The following DAGLB variants were observed in gnomAD, a reference collection of about 807,000 sequenced individuals.
DAGLB encodes the protein diacylglycerol lipase-beta.
DAGLB carries 66 observed loss-of-function variants against 72.1 expected under a neutral mutation model. That is an observed-to-expected ratio of 0.92 (90% CI 0.75 to 1.12). The LOEUF (loss-of-function observed/expected upper bound fraction) is 1.12. Among genes scored for constraint, DAGLB ranks in the 50% most tolerant of loss-of-function variants. The pLI, the probability that DAGLB is intolerant of heterozygous loss-of-function variation, is 0.00. For synonymous variants in DAGLB, 414 were observed against 359.5 expected, an observed-to-expected ratio of 1.15 and a Z score of -1.71; for missense variants, 1,065 against 884.9, an observed-to-expected ratio of 1.20 and a Z score of -2.58.
Position 6,432,823 on chromosome 7 carries a change from G to T in DAGLB, c.801+14C>A. On this transcript the variant is annotated intron_variant, in intron 5 of 14. Coordinates refer to ENST00000297056, the MANE Select transcript of DAGLB (RefSeq NM_139179.4). ...TAAGTGTCAGAACTGGACACTCCAT[G>T]AAGCCAGGCTCACCTGGGAGCTCCC... 1 of 1,612,666 alleles carries T rather than the reference G, an allele frequency of 6.2e-7. No individual in the cohort carries two copies.
At position 6,436,608 on chromosome 7, in the gene DAGLB, G is replaced by A. The variant is rs1416315036; in HGVS notation, c.248-75C>T. The A allele has an allele frequency of 3.8e-6, 6 of 1,584,412 alleles. No homozygotes were observed. The East Asian group carries it at 8.9e-5, about 24-fold the overall frequency. On this transcript the variant is annotated intron_variant, in intron 2 of 14. Coordinates refer to ENST00000297056, the MANE Select transcript of DAGLB (RefSeq NM_139179.4). ...AGAGCTTCCTTTTTGCAAAAATACAGCTTTTGCAGAGCATACATTTGTACT... is the reference window on the plus strand; with the variant it reads ...AGAGCTTCCTTTTTGCAAAAATACAACTTTTGCAGAGCATACATTTGTACT...
chr7:6,430,119 C>T (rs1052595003), intron 6 of DAGLB, among the ~76,000 whole-genome samples: 1 of 150,696 alleles, frequency 6.6e-6, no homozygotes, highest in Non-Finnish European at 1.5e-5. Flanking sequence ...CCAGTAGCAC[C>T]GCTTGAGCCT....
chr7:6,415,652 G>A lies in DAGLB; in HGVS notation c.1427+975C>T, dbSNP rs188352539. Among the ~76,000 whole-genome samples, 1,273 of 151,522 alleles carry A rather than the reference G, an allele frequency of 8.4e-3. 24 individuals carry two copies. The highest frequency in any genetic ancestry group is 0.029 in the African/African-American group (1,219 of 41,370). Reference sequence around the variant, plus strand: ...GAAGACAGGAGATCGAGACCATCCTGGCTAACACGGTGAAACCCGTCTCTA... The same window carrying A: ...GAAGACAGGAGATCGAGACCATCCTAGCTAACACGGTGAAACCCGTCTCTA... On this transcript the variant is annotated intron_variant, in intron 11 of 14. Transcript: ENST00000297056.
intron 3 of DAGLB, 97 bp from the exon 4 acceptor site, chr7:6,435,117 T>G: frequency 3.3e-6 from 5 of 1,518,536 alleles, no homozygotes; most frequent in Non-Finnish European, 4.4e-6. Context: ...TCTGAGTCTC[T>G]ACCACGGAGG....
At position 6,409,897 on chromosome 7, in the gene DAGLB, G is replaced by T; in HGVS notation, c.1959C>A (p.Ser653=). 1 of 1,614,066 alleles carries T rather than the reference G, an allele frequency of 6.2e-7. No individual in the cohort carries two copies. Among genetic ancestry groups the T allele is most frequent in the Non-Finnish European group, 8.5e-7 (1 of 1,180,034 alleles). The change falls in exon 15 of 15, where the codon TCC becomes TCA. Residue 653 remains serine, a synonymous_variant. Coordinates refer to ENST00000297056, the MANE Select transcript of DAGLB (RefSeq NM_139179.4). ...GACAGGAGACGCAGGCCGCTCTGTCGGAGACCACGCTGTCCAAGGCCCGCA... is the reference window on the plus strand; with the variant it reads ...GACAGGAGACGCAGGCCGCTCTGTCTGAGACCACGCTGTCCAAGGCCCGCA... ...ILMRALDSVV[S]DRAACVSCPA...
At chr7:6,428,191 A>C (rs1196723359) in intron 6 of DAGLB, among the ~76,000 whole-genome samples, 2 of 151,698 alleles carry the variant, frequency 1.3e-5, no homozygotes, top group Non-Finnish European at 2.9e-5. Flanking sequence ...TTAAAATTAC[A>C]AAAAACTAGC....
At chr7:6,444,746 T>C (rs144759163) in intron 2 of DAGLB, among the ~76,000 whole-genome samples, 52 of 151,830 alleles carry the variant, frequency 3.4e-4, no homozygotes, top group Admixed American at 7.2e-4. Flanking sequence ...ACCAAAGAAA[T>C]GTTCCTCAAA....
chr7:6,422,152 G>T, intron 8 of DAGLB: 2 of 375,024 alleles, frequency 5.3e-6, no homozygotes, highest in South Asian at 4.1e-5. Flanking sequence ...GTCCTCAGGA[G>T]CCCCGTAACA....
intron 8 of DAGLB, 36 bp downstream of exon 8, chr7:6,424,716 C>T: frequency 6.2e-7 from 1 of 1,607,750 alleles, no homozygotes; most frequent in South Asian, 1.1e-5. Flanking sequence ...CTCCCGCACC[C>T]ACTCCCAGGG....
At chr7:6,440,358 T>C (rs983324861) in intron 2 of DAGLB, among the ~76,000 whole-genome samples, 1 of 149,826 alleles carries the variant, frequency 6.7e-6, no homozygotes, top group Admixed American at 6.7e-5. Flanking sequence ...CACTCCATCC[T>C]GGGGACTCAA....
chr7:6,423,522 C>T (rs1042104261), intron 8 of DAGLB, among the ~76,000 whole-genome samples: 2 of 152,062 alleles, frequency 1.3e-5, no homozygotes, highest in African/African-American at 4.8e-5. Flanking sequence ...CTCCCGGGTT[C>T]AAGCAATTCT....
chr7:6,444,130 C>A (rs988383794), intron 2 of DAGLB, among the ~76,000 whole-genome samples: 1 of 151,876 alleles, frequency 6.6e-6, no homozygotes, highest in African/African-American at 2.4e-5. Flanking sequence ...AAAAATTAGC[C>A]AGGTATGGTG....
At chr7:6,428,315 C>G (rs77071952) in intron 6 of DAGLB, among the ~76,000 whole-genome samples, 1,207 of 77,016 alleles carry the variant, frequency 0.016, 18 homozygotes, top group Middle Eastern at 0.091. Flanking sequence ...GACTCTGTCT[C>G]AAAAAAAAAA....
chr7:6,430,906 G>C (rs915727886), intron 5 of DAGLB, among the ~76,000 whole-genome samples: 6 of 151,920 alleles, frequency 3.9e-5, no homozygotes, highest in African/African-American at 1.4e-4. Flanking sequence ...CTCTCAAGTC[G>C]TTGAGACTAC....
chr7:6,446,127 G>C, intron 1 of DAGLB, 23 bp from the exon 2 acceptor site: 2 of 1,582,908 alleles, frequency 1.3e-6, no homozygotes, highest in Non-Finnish European at 1.7e-6. Flanking sequence ...AAAAAGGGAA[G>C]GGTCAGAAAT....
At chr7:6,420,802 G>A in intron 9 of DAGLB, among the ~76,000 whole-genome samples, 1 of 152,184 alleles carries the variant, frequency 6.6e-6, no homozygotes, top group African/African-American at 2.4e-5. Context: ...ATTCCTTCGG[G>A]AGGAGCTGAG....
At chr7:6,431,521 C>T (rs1784488154) in intron 5 of DAGLB, among the ~76,000 whole-genome samples, 1 of 152,188 alleles carries the variant, frequency 6.6e-6, no homozygotes, top group African/African-American at 2.4e-5. Context: ...CCTGTAATCC[C>T]AGCACTTTGG....
chr7:6,417,686 C>T (rs904577434), intron 9 of DAGLB: 1 of 151,824 alleles, frequency 6.6e-6, no homozygotes. Flanking sequence ...TGAGACCAGC[C>T]TGGGCCACAT....
chr7:6,427,256 G>A (rs1784343887), intron 6 of DAGLB, among the ~76,000 whole-genome samples: 2 of 152,230 alleles, frequency 1.3e-5, no homozygotes, highest in South Asian at 2.1e-4. Flanking sequence ...ATAGGGGACT[G>A]AGCATGGGTA....
Sources: allele counts gnomAD v4.1 joint callset (sites outside exome capture counted in the v4.1 genomes callset), GRCh38; gene constraint gnomAD v4.1.1; transcripts MANE v1.5; gene names NCBI Gene and HGNC (gene_info 2026-07-23, HGNC 2026-07-21).